The following ARB2A variants were observed in gnomAD, a reference collection of about 807,000 sequenced individuals.
ARB2A encodes the protein ARB2 cotranscriptional regulator A, also known as cotranscriptional regulator ARB2A.
At chr5:93,994,171 T>C in the ARB2A span, among the ~76,000 whole-genome samples, 11 of 152,104 alleles carry the variant, frequency 7.2e-5, no homozygotes, top group Non-Finnish European at 1.6e-4. Context: ...TGGGTATATA[T>C]CCAAAAGAAC....
chr5:93,724,005 AGCTTCAC>A, the ARB2A span, among the ~76,000 whole-genome samples: 1 of 152,098 alleles, frequency 6.6e-6, no homozygotes, highest in Non-Finnish European at 1.5e-5. Context: ...TAATGTAAAT[AGCTTCAC>A]GTATAAGAAT....
chr5:93,832,733 G>A, the ARB2A span, among the ~76,000 whole-genome samples: 95 of 152,278 alleles, frequency 6.2e-4, 1 homozygote, highest in East Asian at 9.5e-3. Flanking sequence ...TGACTACACT[G>A]CAGTTCAACT....
chr5:94,104,434 T>C, the ARB2A span, among the ~76,000 whole-genome samples: 1 of 150,680 alleles, frequency 6.6e-6, no homozygotes, highest in Admixed American at 6.6e-5. Context: ...CCTCAAAACA[T>C]ACAACCTCCC....
the ARB2A span, among the ~76,000 whole-genome samples, chr5:93,888,516 G>A: frequency 0.8 from 120,834 of 151,722 alleles, 48,787 homozygotes; most frequent in East Asian, 0.95. Flanking sequence ...ATGCCTGTGC[G>A]TTTTAAAATG....
the ARB2A span, among the ~76,000 whole-genome samples, chr5:93,773,827 A>G: frequency 6.6e-6 from 1 of 152,192 alleles, no homozygotes; most frequent in Non-Finnish European, 1.5e-5. Flanking sequence ...TAGTACAATC[A>G]TAGCTCACTG....
At chr5:93,761,117 C>T in the ARB2A span, among the ~76,000 whole-genome samples, 1 of 152,172 alleles carries the variant, frequency 6.6e-6, no homozygotes, top group Non-Finnish European at 1.5e-5. Flanking sequence ...CAGTCTGCAG[C>T]TCCCAGCATG....
the ARB2A span, among the ~76,000 whole-genome samples, chr5:93,998,608 C>T: frequency 6.6e-6 from 1 of 151,798 alleles, no homozygotes; most frequent in Non-Finnish European, 1.5e-5. Flanking sequence ...GAGCAACATA[C>T]CAGATGAACA....
chr5:93,983,004 C>T, the ARB2A span, among the ~76,000 whole-genome samples: 6 of 152,076 alleles, frequency 3.9e-5, no homozygotes, highest in African/African-American at 1.2e-4. Context: ...TGCAGTGAAC[C>T]GAGATTGCAC....
At chr5:93,741,769 C>A in the ARB2A span, 4 of 536,958 alleles carry the variant, frequency 7.4e-6, no homozygotes, top group East Asian at 1.2e-4. Context: ...CTACCCTGAC[C>A]TTTGCTTCCA....
the ARB2A span, among the ~76,000 whole-genome samples, chr5:93,680,743 A>G: frequency 6.6e-6 from 1 of 152,046 alleles, no homozygotes; most frequent in Non-Finnish European, 1.5e-5. Flanking sequence ...GTATCATTAA[A>G]GGCACTACTT....
the ARB2A span, chr5:93,620,975 C>T: frequency 3.1e-6 from 5 of 1,600,526 alleles, no homozygotes; most frequent in Middle Eastern, 3.3e-4. Flanking sequence ...TCCCCCGTCG[C>T]GCTCGCTCCT....
At chr5:93,763,328 T>C in the ARB2A span, among the ~76,000 whole-genome samples, 5 of 151,182 alleles carry the variant, frequency 3.3e-5, no homozygotes, top group East Asian at 1.9e-4. Context: ...CACACATAGG[T>C]TCAAAATAAA....
At chr5:93,927,505 A>G in the ARB2A span, among the ~76,000 whole-genome samples, 4 of 152,110 alleles carry the variant, frequency 2.6e-5, no homozygotes, top group South Asian at 6.3e-4. Flanking sequence ...AGTACCGTAA[A>G]CTTCATATGG....
chr5:93,846,339 A>G, the ARB2A span, among the ~76,000 whole-genome samples: 49 of 141,734 alleles, frequency 3.5e-4, no homozygotes, highest in African/African-American at 1.2e-3. Flanking sequence ...CCCTGTCTCT[A>G]AAAAAAAAAA....
At chr5:93,900,707 C>G in the ARB2A span, among the ~76,000 whole-genome samples, 69 of 150,992 alleles carry the variant, frequency 4.6e-4, no homozygotes, top group East Asian at 0.013. Flanking sequence ...TAACTTTAAG[C>G]ATTTTTTTCA....
the ARB2A span, among the ~76,000 whole-genome samples, chr5:93,630,529 G>A: frequency 1.3e-5 from 2 of 152,138 alleles, no homozygotes; most frequent in Non-Finnish European, 2.9e-5. Context: ...ATCATTTGTG[G>A]CTTCTGGCAC....
the ARB2A span, among the ~76,000 whole-genome samples, chr5:94,045,916 T>C: frequency 6.6e-6 from 1 of 151,968 alleles, no homozygotes; most frequent in Non-Finnish European, 1.5e-5. Flanking sequence ...ATAAAATAGG[T>C]AGAAAAACAA....
the ARB2A span, among the ~76,000 whole-genome samples, chr5:93,905,608 A>C: frequency 6.6e-6 from 1 of 151,634 alleles, no homozygotes; most frequent in African/African-American, 2.4e-5. Context: ...ATGAGATACC[A>C]ATAACACCTG....
the ARB2A span, among the ~76,000 whole-genome samples, chr5:93,817,132 G>A: frequency 2.0e-5 from 3 of 151,388 alleles, no homozygotes; most frequent in East Asian, 5.8e-4. Context: ...ACTAAAAATA[G>A]TGAATTCAGC....
Sources: gnomAD v4.1 joint callset for allele counts (sites outside exome capture counted in the v4.1 genomes callset) on GRCh38, gnomAD v4.1.1 for gene constraint, MANE v1.5 for transcripts, NCBI Gene and HGNC (gene_info 2026-07-23, HGNC 2026-07-21) for gene names.